Variants in BNC2 observed in about 807,000 individuals in gnomAD.
The protein encoded by BNC2 is zinc finger protein basonuclin-2.
BNC2 carries 20 observed loss-of-function variants against 76.3 expected under a neutral mutation model. That is an observed-to-expected ratio of 0.26 (90% CI 0.18 to 0.38). The LOEUF (loss-of-function observed/expected upper bound fraction) is 0.38, where lower values mean the gene tolerates loss of function less well. Among genes scored for constraint, BNC2 ranks in the 10% least tolerant of loss-of-function variants. The pLI is 1.00. For missense variants in BNC2, 1,382 were observed against 1,399.8 expected, an observed-to-expected ratio of 0.99 and a Z score of 0.20; for synonymous variants, 582 against 514.8, an observed-to-expected ratio of 1.13 and a Z score of -1.77.
At chr9:16,581,473 G>A (rs1215750994) in intron 4 of BNC2, among the ~76,000 whole-genome samples, 3 of 152,154 alleles carry the variant, frequency 2.0e-5, no homozygotes, top group Admixed American at 6.5e-5. Flanking sequence ...AAGGAGAACC[G>A]CTTGAACCCG....
At chr9:16,507,341 C>T (rs1382622346) in intron 5 of BNC2, among the ~76,000 whole-genome samples, 1 of 147,688 alleles carries the variant, frequency 6.8e-6, no homozygotes, top group South Asian at 2.2e-4. Context: ...CTTGGCTCAG[C>T]CTACGCCTCC....
At chr9:16,793,071 A>G (rs1285035473) in intron 1 of BNC2, among the ~76,000 whole-genome samples, 2 of 152,232 alleles carry the variant, frequency 1.3e-5, no homozygotes, top group Non-Finnish European at 1.5e-5. Context: ...TTTCTTAACT[A>G]AAAGGGAAAA....
At chr9:16,802,094 A>T (rs1418564643) in intron 1 of BNC2, among the ~76,000 whole-genome samples, 2 of 152,328 alleles carry the variant, frequency 1.3e-5, no homozygotes, top group East Asian at 3.9e-4. Context: ...ACATTTTCTC[A>T]AAGAAAAAAA....
chr9:16,779,089 G>A (rs1826046754), intron 1 of BNC2, among the ~76,000 whole-genome samples: 2 of 131,642 alleles, frequency 1.5e-5, no homozygotes, highest in African/African-American at 2.8e-5. Flanking sequence ...GACCAACCTA[G>A]GTTACTCCAT....
At chr9:16,708,215 GC>G (rs1239394817) in intron 3 of BNC2, among the ~76,000 whole-genome samples, 1 of 152,126 alleles carries the variant, frequency 6.6e-6, no homozygotes, top group Non-Finnish European at 1.5e-5. Context: ...GTGATAACCA[GC>G]CGTGATTTCC....
chr9:16,618,135 A>C (rs1478687858), intron 3 of BNC2, among the ~76,000 whole-genome samples: 1 of 152,178 alleles, frequency 6.6e-6, no homozygotes, highest in Non-Finnish European at 1.5e-5. Flanking sequence ...ACCCAATGGA[A>C]CGCCAGCTAC....
At chr9:16,705,085 A>G (rs1419135819) in intron 3 of BNC2, 1 of 152,234 alleles carries the variant, frequency 6.6e-6, no homozygotes, top group Non-Finnish European at 1.5e-5. Flanking sequence ...GCTAGTGGGT[A>G]AAATTTTCCA....
chr9:16,832,249 G>A (rs767874591), intron 1 of BNC2: 69 of 1,274,054 alleles, frequency 5.4e-5, no homozygotes, highest in Non-Finnish European at 7.0e-5. Context: ...AATACCAGTA[G>A]AAGAGAAAAT....
At chr9:16,517,008 A>C (rs1781036196) in intron 5 of BNC2, among the ~76,000 whole-genome samples, 1 of 152,240 alleles carries the variant, frequency 6.6e-6, no homozygotes, top group Non-Finnish European at 1.5e-5. Context: ...ATGCAGCACC[A>C]ACACTTGCAG....
intron 1 of BNC2, among the ~76,000 whole-genome samples, chr9:16,849,508 G>C (rs545309755): frequency 6.6e-6 from 1 of 151,816 alleles, no homozygotes; most frequent in Non-Finnish European, 1.5e-5. Context: ...ACAGGCGCAT[G>C]CCACCACGCC....
chr9:16,685,962 A>G (rs1177390193), intron 3 of BNC2, among the ~76,000 whole-genome samples: 1 of 152,190 alleles, frequency 6.6e-6, no homozygotes, highest in Non-Finnish European at 1.5e-5. Context: ...GGGATGGGAA[A>G]AGACTAAAAT....
At position 16,413,528 on chromosome 9, in the gene BNC2, T is replaced by C. The variant is rs1028151086; in HGVS notation, c.*5461A>G. On this transcript the variant is annotated 3_prime_UTR_variant, in exon 7 of 7. Coordinates refer to ENST00000380672, the MANE Select transcript of BNC2 (RefSeq NM_017637.6). ...TGCCGAATGAGCACAGAAAATCATT[T>C]TGCGCAAGATGTGGGAAGGATGAGG... 4 of 152,106 alleles carry C rather than the reference T, an allele frequency of 2.6e-5. No homozygotes were observed. The highest frequency in any genetic ancestry group is 4.4e-5 in the Non-Finnish European group (3 of 68,016). The allele number at this position is 152,106 out of a possible 1,614,324, so 9.4% of individuals were successfully genotyped here.
At chr9:16,550,573 G>A (rs970486008) in intron 5 of BNC2, among the ~76,000 whole-genome samples, 5 of 152,282 alleles carry the variant, frequency 3.3e-5, no homozygotes, top group African/African-American at 1.2e-4. Context: ...CTATCAAAGT[G>A]CTACCTGAGC....
chr9:16,576,769 C>T (rs1819497022), intron 4 of BNC2, among the ~76,000 whole-genome samples: 1 of 152,182 alleles, frequency 6.6e-6, no homozygotes, highest in Admixed American at 6.5e-5. Context: ...GATGGAGTCT[C>T]GCTCTGTCGC....
intron 5 of BNC2, among the ~76,000 whole-genome samples, chr9:16,485,800 C>A (rs1255259644): frequency 6.6e-6 from 1 of 152,110 alleles, no homozygotes; most frequent in East Asian, 1.9e-4. Flanking sequence ...CAGAGTGAGA[C>A]CCTGTCTCAA....
At chr9:16,529,602 G>C (rs1012559436) in intron 5 of BNC2, among the ~76,000 whole-genome samples, 5 of 151,924 alleles carry the variant, frequency 3.3e-5, no homozygotes, top group African/African-American at 1.2e-4. Context: ...GTGGAAAAAG[G>C]GTTTAGTCAA....
At chr9:16,556,262 G>A (rs1025378962) in intron 4 of BNC2, among the ~76,000 whole-genome samples, 24 of 152,100 alleles carry the variant, frequency 1.6e-4, no homozygotes, top group African/African-American at 5.3e-4. Context: ...CTGCACTTCA[G>A]CCTGGGTAGA....
chr9:16,462,750 G>A (rs987758612), intron 5 of BNC2, among the ~76,000 whole-genome samples: 9 of 152,116 alleles, frequency 5.9e-5, no homozygotes, highest in African/African-American at 1.9e-4. Flanking sequence ...ATTCCTGCTT[G>A]TTCCTGGTCT....
chr9:16,549,037 T>C (rs1308141802), intron 5 of BNC2, among the ~76,000 whole-genome samples: 1 of 152,226 alleles, frequency 6.6e-6, no homozygotes, highest in East Asian at 1.9e-4. Flanking sequence ...TTTAAATGTA[T>C]CTGTAGCATC....
Sources: allele counts gnomAD v4.1 joint callset (sites outside exome capture counted in the v4.1 genomes callset), GRCh38; gene constraint gnomAD v4.1.1; transcripts MANE v1.5; gene names NCBI Gene and HGNC (gene_info 2026-07-23, HGNC 2026-07-21).